The following FAS variants were observed in gnomAD, a reference collection of about 807,000 sequenced individuals.
FAS encodes the protein tumor necrosis factor receptor superfamily member 6.
A neutral mutation model predicts 33.2 loss-of-function variants in FAS; 5 were observed. The observed-to-expected ratio is 0.15, with a 90% CI of 0.08 to 0.32. The LOEUF (loss-of-function observed/expected upper bound fraction) is 0.32, where lower values mean the gene tolerates loss of function less well. FAS is among the 10% of genes least tolerant of loss of function. FAS has a pLI of 1.00. For synonymous variants in FAS, 131 were observed against 130.7 expected (o/e 1.00, Z -0.01); for missense variants, 339 against 386.0 (o/e 0.88, Z 1.02).
chr10:89,003,287 G>C, intron 2 of FAS, 93 bp downstream of exon 2: 1 of 1,429,052 alleles, frequency 7.0e-7, no homozygotes, highest in South Asian at 1.2e-5. Context: ...ACAGTTTTTG[G>C]TTCCCCTATA....
chr10:88,965,138 G>A (rs1300067585), intron 1 of FAS, among the ~76,000 whole-genome samples: 1 of 152,132 alleles, frequency 6.6e-6, no homozygotes, highest in Admixed American at 6.6e-5. Flanking sequence ...CAGGGAGAAT[G>A]CTCCAATCAC....
At chr10:88,985,515 A>G (rs985628161), upstream of FAS, among the ~76,000 whole-genome samples, 3 of 152,012 alleles carry the variant, frequency 2.0e-5, no homozygotes, top group Admixed American at 1.3e-4. Flanking sequence ...TTCTCCTCCA[A>G]CATCCCATTC....
At chr10:88,981,889 C>T (rs973233111), upstream of FAS, among the ~76,000 whole-genome samples, 2 of 152,290 alleles carry the variant, frequency 1.3e-5, no homozygotes, top group Non-Finnish European at 1.5e-5. Flanking sequence ...AGAGCCCAGG[C>T]TTTAGAGTCA....
At chr10:88,988,443 T>TTTTA (rs1554846019), upstream of FAS, among the ~76,000 whole-genome samples, 1 of 142,368 alleles carries the variant, frequency 7.0e-6, no homozygotes, top group Non-Finnish European at 1.5e-5. Flanking sequence ...TTTTGTTTTT[T>TTTTA]ATCTTAACTC....
At chr10:88,994,858 GA>G (rs1339982894) in intron 1 of FAS, among the ~76,000 whole-genome samples, 17 of 149,112 alleles carry the variant, frequency 1.1e-4, no homozygotes, top group Non-Finnish European at 1.6e-4. Flanking sequence ...ATTTACTATT[GA>G]AAAAAAGCAT....
intron 2 of FAS, among the ~76,000 whole-genome samples, chr10:88,981,458 C>A (rs933143740): frequency 2.6e-5 from 4 of 151,736 alleles, no homozygotes; most frequent in African/African-American, 9.7e-5. Flanking sequence ...ATATTCACAC[C>A]AGGAAAAGTT....
intron 1 of FAS, among the ~76,000 whole-genome samples, chr10:88,966,336 T>C (rs1233665690): frequency 2.0e-5 from 3 of 152,170 alleles, no homozygotes; most frequent in Non-Finnish European, 4.4e-5. Flanking sequence ...GGGAAGGGGA[T>C]TGGACAGGAC....
At chr10:88,980,454 A>G (rs1263015086) in intron 2 of FAS, among the ~76,000 whole-genome samples, 1 of 152,188 alleles carries the variant, frequency 6.6e-6, no homozygotes, top group East Asian at 1.9e-4. Flanking sequence ...GCCAAAAGAG[A>G]GACGCATTTC....
Position 89,014,487 on chromosome 10 carries a change from A to G in FAS, c.*37A>G, listed in dbSNP as rs1848693597. On this transcript the variant is annotated 3_prime_UTR_variant, in exon 9 of 9. Transcript: ENST00000652046. ...ACAAATTCAGTTCTGAGTATATGCA[A>G]TTAGTGTTTGAAAAGATTCTTAATA... 2 of 1,578,098 alleles carry G rather than the reference A, an allele frequency of 1.3e-6. No homozygotes were observed. The highest frequency in any genetic ancestry group is 1.3e-5 in the African/African-American group (1 of 74,426).
At chr10:88,999,783 G>A (rs1273699682) in intron 1 of FAS, among the ~76,000 whole-genome samples, 3 of 152,098 alleles carry the variant, frequency 2.0e-5, no homozygotes, top group Admixed American at 1.3e-4. Flanking sequence ...TTATCTTATT[G>A]TCTCATTGGC....
upstream of FAS, chr10:88,990,403 G>T (rs894714799): frequency 4.5e-6 from 2 of 444,644 alleles, no homozygotes; most frequent in African/African-American, 4.0e-5. This position sits in a 1 kb window ranked among gnomAD's most constrained non-coding sequence, Gnocchi z 4.9. Context: ...TTTAGAAAGG[G>T]CAGGAGGCCG....
intron 1 of FAS, among the ~76,000 whole-genome samples, chr10:88,969,994 A>G (rs1846396075): frequency 6.6e-6 from 1 of 152,236 alleles, no homozygotes. Context: ...ACTTTTTGGA[A>G]AAAATTGCTC....
intron 1 of FAS, among the ~76,000 whole-genome samples, chr10:88,997,852 G>A (rs1847690790): frequency 6.6e-6 from 1 of 152,134 alleles, no homozygotes; most frequent in Non-Finnish European, 1.5e-5. Flanking sequence ...AGGGTGGTGA[G>A]ATTTCAACCC....
chr10:89,004,290 G>A (rs990238538), intron 2 of FAS, among the ~76,000 whole-genome samples: 1 of 152,068 alleles, frequency 6.6e-6, no homozygotes, highest in Non-Finnish European at 1.5e-5. Context: ...AGAAGTGAAT[G>A]TAAATTGTTA....
chr10:89,002,928 T>C, intron 1 of FAS, 101 bp from the exon 2 acceptor site: 21 of 1,243,712 alleles, frequency 1.7e-5, no homozygotes, highest in Non-Finnish European at 2.3e-5. Context: ...TGTCTTTGCC[T>C]GTGCACAGCA....
intron 2 of FAS, among the ~76,000 whole-genome samples, chr10:88,979,365 C>G (rs1349068393): frequency 6.6e-6 from 1 of 152,278 alleles, no homozygotes; most frequent in East Asian, 1.9e-4. Context: ...CACCACAGAC[C>G]AGATTCCTGC....
At chr10:88,968,043 T>C (rs1246277853) in intron 1 of FAS, among the ~76,000 whole-genome samples, 11 of 152,200 alleles carry the variant, frequency 7.2e-5, no homozygotes, top group Non-Finnish European at 1.6e-4. Flanking sequence ...TAGAGTTTTC[T>C]ACTTGTGACC....
At chr10:89,005,182 G>T (rs1407232265) in intron 2 of FAS, among the ~76,000 whole-genome samples, 2 of 149,222 alleles carry the variant, frequency 1.3e-5, no homozygotes, top group Admixed American at 1.3e-4. Flanking sequence ...ACGAAGGGAG[G>T]GAGGGAGGGA....
chr10:88,999,181 ATAAAAT>A (rs1044214507), intron 1 of FAS, among the ~76,000 whole-genome samples: 9 of 109,262 alleles, frequency 8.2e-5, no homozygotes, highest in African/African-American at 2.6e-4. Context: ...ATAAAATAAA[ATAAAAT>A]AAAATAAAAT....
Sources: gnomAD v4.1 joint callset for allele counts (sites outside exome capture counted in the v4.1 genomes callset) on GRCh38, gnomAD v4.1.1 for gene constraint, Gnocchi (gnomAD v3.1) non-coding constraint, MANE v1.5 for transcripts, NCBI Gene and HGNC (gene_info 2026-07-23, HGNC 2026-07-21) for gene names.